Variants in EIF5A2 observed in about 807,000 individuals in gnomAD.
The protein encoded by EIF5A2 is eukaryotic translation initiation factor 5A-2.
Under a neutral mutation model 16.4 loss-of-function variants are expected in EIF5A2, and 15 were observed. The observed-to-expected ratio is 0.92, with a 90% CI of 0.61 to 1.41. The LOEUF is 1.41. EIF5A2 is among the 40% of genes most tolerant of loss of function. The pLI is 0.00. For synonymous variants in EIF5A2, 48 were observed against 61.1 expected, an observed-to-expected ratio of 0.79 and a Z score of 1.00; for missense variants, 144 against 189.5, an observed-to-expected ratio of 0.76 and a Z score of 1.41.
At chr3:170,903,916 T>C (rs1351807076) in intron 3 of EIF5A2, among the ~76,000 whole-genome samples, 1 of 152,238 alleles carries the variant, frequency 6.6e-6, no homozygotes, top group Non-Finnish European at 1.5e-5. Flanking sequence ...TTTATGTGTC[T>C]ATAGTAATTA....
At chr3:170,894,767 C>T (rs1382447546) in intron 3 of EIF5A2, among the ~76,000 whole-genome samples, 1 of 150,554 alleles carries the variant, frequency 6.6e-6, no homozygotes, top group African/African-American at 2.4e-5. Context: ...TGGCTCACGC[C>T]TGTAATCCCA....
chr3:170,893,704 C>G (rs980014626), intron 4 of EIF5A2, among the ~76,000 whole-genome samples: 2 of 152,176 alleles, frequency 1.3e-5, no homozygotes, highest in African/African-American at 2.4e-5. Context: ...CTCCTTCACT[C>G]TTTAACATTC....
At chr3:170,895,925 T>A (rs1161830946) in intron 3 of EIF5A2, among the ~76,000 whole-genome samples, 1 of 152,224 alleles carries the variant, frequency 6.6e-6, no homozygotes, top group Non-Finnish European at 1.5e-5. Context: ...AGCCTCTGCT[T>A]TAGCCTTCCA....
intron 3 of EIF5A2, among the ~76,000 whole-genome samples, chr3:170,900,265 G>T (rs1712777230): frequency 6.6e-6 from 1 of 151,280 alleles, no homozygotes; most frequent in South Asian, 2.1e-4. Context: ...TACTTGGGAG[G>T]CTGAGGCAGG....
intron 3 of EIF5A2, among the ~76,000 whole-genome samples, chr3:170,906,726 G>T (rs576486618): frequency 6.6e-6 from 1 of 152,124 alleles, no homozygotes; most frequent in Non-Finnish European, 1.5e-5. Context: ...GCAATATGCA[G>T]TCACTTGGCC....
chr3:170,903,634 T>G (rs1712864155), intron 3 of EIF5A2, among the ~76,000 whole-genome samples: 1 of 152,166 alleles, frequency 6.6e-6, no homozygotes, highest in South Asian at 2.1e-4. Context: ...TGCTTCCATC[T>G]GAGAACACAA....
In EIF5A2 at chr3:170,890,901, CTA is replaced by C; in HGVS notation, c.*2457_*2458del. On this transcript the variant is annotated 3_prime_UTR_variant, in exon 5 of 5. Transcript: ENST00000295822. ...ATAAAGCTTTACTAAATATTTTGTT[CTA>C]GAGAAACATCTATTGACTTATGTGA... The C allele has an allele frequency of 6.6e-6, 1 of 152,574 alleles. No homozygotes were observed. Among genetic ancestry groups the C allele is most frequent in the South Asian group, 2.1e-4 (1 of 4,818 alleles). 9.5% of individuals were successfully genotyped at this position (152,574 alleles called of 1,614,324 possible). A position where few individuals can be genotyped will look rare whatever the true frequency, so the allele number is the denominator to read the frequency against.
intron 3 of EIF5A2, among the ~76,000 whole-genome samples, chr3:170,902,704 G>C (rs151229858): frequency 0.024 from 3,620 of 151,196 alleles, 59 homozygotes; most frequent in Non-Finnish European, 0.032. Context: ...CGCCTCCCAG[G>C]TTCAAGTGAT....
In EIF5A2 at chr3:170,892,053, A is replaced by G. The variant is rs1025511338; in HGVS notation, c.*1307T>C. The G allele has an allele frequency of 1.3e-5, 2 of 152,794 alleles. No individual in the cohort carries two copies. The highest frequency in any genetic ancestry group is 1.9e-4 in the East Asian group (1 of 5,194). 9.5% of individuals were successfully genotyped at this position (152,794 alleles called of 1,614,324 possible). On this transcript the variant is annotated 3_prime_UTR_variant, in exon 5 of 5. Coordinates refer to ENST00000295822, the MANE Select transcript of EIF5A2 (RefSeq NM_020390.6). The stretch of plus-strand genomic sequence containing the variant: ...TTTAGGAAAAAAAGGACATAAAATT[A>G]ACAAAAATTCCAAATCAATTTAAGG...
chr3:170,901,870 TGTGCTACTTCCTTAGA>T (rs1321593692), intron 3 of EIF5A2, among the ~76,000 whole-genome samples: 1 of 152,228 alleles, frequency 6.6e-6, no homozygotes, highest in African/African-American at 2.4e-5. Flanking sequence ...GTAGCACTCT[TGTGCTACTTCCTTAGA>T]GTTGCTGGTC....
intron 3 of EIF5A2, among the ~76,000 whole-genome samples, chr3:170,898,837 A>G (rs549283780): frequency 9.8e-4 from 88 of 90,214 alleles, no homozygotes; most frequent in Non-Finnish European, 1.8e-3. Context: ...TACATCCAAT[A>G]TATATATATA....
intron 3 of EIF5A2, among the ~76,000 whole-genome samples, chr3:170,898,511 G>T (rs1712728155): frequency 6.6e-6 from 1 of 152,100 alleles, no homozygotes; most frequent in Non-Finnish European, 1.5e-5. Flanking sequence ...CCCCCTGCTT[G>T]CTGTCTCTCC....
chr3:170,893,650 T>TA (rs1379344438), intron 4 of EIF5A2, among the ~76,000 whole-genome samples: 4 of 152,238 alleles, frequency 2.6e-5, no homozygotes, highest in Admixed American at 2.6e-4. Flanking sequence ...TTTGAACACT[T>TA]ACTACCCGTT....
At chr3:170,895,789 G>A (rs1303414952) in intron 3 of EIF5A2, among the ~76,000 whole-genome samples, 2 of 152,172 alleles carry the variant, frequency 1.3e-5, no homozygotes, top group African/African-American at 4.8e-5. Context: ...TTGTGAGGTG[G>A]CTGGTAGAGA....
intron 4 of EIF5A2, among the ~76,000 whole-genome samples, chr3:170,893,979 C>T (rs923051325): frequency 1.3e-5 from 2 of 150,930 alleles, no homozygotes; most frequent in Non-Finnish European, 2.9e-5. Context: ...TGCAATGAGC[C>T]GAGATCACGC....
At chr3:170,898,726 T>A (rs1343124360) in intron 3 of EIF5A2, among the ~76,000 whole-genome samples, 1 of 152,174 alleles carries the variant, frequency 6.6e-6, no homozygotes, top group Non-Finnish European at 1.5e-5. Context: ...AAATCTTAAG[T>A]TCTATAGAAA....
At chr3:170,896,675 C>T (rs1490648454) in intron 3 of EIF5A2, among the ~76,000 whole-genome samples, 1 of 152,134 alleles carries the variant, frequency 6.6e-6, no homozygotes, top group African/African-American at 2.4e-5. Flanking sequence ...ATTACCCAGT[C>T]TCAGGTAGTT....
At chr3:170,898,780 C>T (rs1576787703) in intron 3 of EIF5A2, among the ~76,000 whole-genome samples, 1 of 152,056 alleles carries the variant, frequency 6.6e-6, no homozygotes, top group South Asian at 2.1e-4. Context: ...TACCTAGATA[C>T]ATCCATTGTT....
chr3:170,891,127 A>G lies in EIF5A2; in HGVS notation c.*2233T>C, dbSNP rs2108290848. 1 of 152,632 alleles carries G rather than the reference A, an allele frequency of 6.6e-6. No individual in the cohort carries two copies. Among genetic ancestry groups the G allele is most frequent in the Non-Finnish European group, 1.5e-5 (1 of 67,990 alleles). The allele number at this position is 152,632 out of a possible 1,614,324, so 9.5% of individuals were successfully genotyped here. On this transcript the variant is annotated 3_prime_UTR_variant, in exon 5 of 5. Transcript: ENST00000295822. The stretch of plus-strand genomic sequence containing the variant: ...TTTATGTGAAATTTTACAAGTTAGG[A>G]AGAACAGGGGCATGCTAATTGAGAG...
Sources: gnomAD v4.1 joint callset for allele counts (sites outside exome capture counted in the v4.1 genomes callset) on GRCh38, gnomAD v4.1.1 for gene constraint, MANE v1.5 for transcripts, NCBI Gene and HGNC (gene_info 2026-07-23, HGNC 2026-07-21) for gene names.